CC2D2B: variants seen among roughly 807,000 people sequenced by gnomAD.
The protein encoded by CC2D2B is coiled-coil and C2 domain containing 2B, also known as protein CC2D2B.
In CC2D2B, 128 loss-of-function variants were observed where a neutral mutation model predicts 161.2. The observed-to-expected ratio is 0.79, with a 90% confidence interval of 0.69 to 0.92. The LOEUF is 0.92. Among genes scored for constraint, CC2D2B ranks in the 40% least tolerant of loss-of-function variants. CC2D2B has a pLI of 0.00. For missense variants in CC2D2B, 1,173 were observed against 1,375.1 expected (o/e 0.85, Z 2.32); for synonymous variants, 391 against 449.8 (o/e 0.87, Z 1.65).
At chr10:96,006,633 G>A (rs903186418) in intron 25 of CC2D2B, among the ~76,000 whole-genome samples, 1 of 152,072 alleles carries the variant, frequency 6.6e-6, no homozygotes, top group African/African-American at 2.4e-5. Context: ...GACCCTATTG[G>A]ACAAGCTATG....
chr10:95,986,849 G>A (rs151279472), intron 19 of CC2D2B, among the ~76,000 whole-genome samples: 2,286 of 151,944 alleles, frequency 0.015, 50 homozygotes, highest in African/African-American at 0.052. Flanking sequence ...CGCCCGCCTC[G>A]GCCTCCCACA....
intron 25 of CC2D2B, among the ~76,000 whole-genome samples, chr10:96,005,344 G>T (rs1279365875): frequency 1.3e-5 from 2 of 152,014 alleles, no homozygotes; most frequent in Non-Finnish European, 2.9e-5. Context: ...CATGCTTTAG[G>T]TATCAGACTT....
intron 6 of CC2D2B, among the ~76,000 whole-genome samples, chr10:95,937,025 G>A (rs1227548770): frequency 6.6e-6 from 1 of 152,158 alleles, no homozygotes; most frequent in African/African-American, 2.4e-5. Flanking sequence ...ATTCTGAAAA[G>A]GATATCATGA....
intron 33 of CC2D2B, among the ~76,000 whole-genome samples, chr10:96,027,000 G>A (rs1009969038): frequency 2.0e-5 from 3 of 152,140 alleles, no homozygotes; most frequent in Non-Finnish European, 2.9e-5. Context: ...GCAGGTGCCT[G>A]TAATCCCAGC....
At chr10:95,908,949 T>C (rs2098501213) in intron 1 of CC2D2B, among the ~76,000 whole-genome samples, 1 of 152,096 alleles carries the variant, frequency 6.6e-6, no homozygotes, top group African/African-American at 2.4e-5. Context: ...TGTTTCCACA[T>C]TAGTTTTCAT....
chr10:96,013,519 T>C (rs12570106), intron 28 of CC2D2B, among the ~76,000 whole-genome samples: 1 of 151,224 alleles, frequency 6.6e-6, no homozygotes, highest in Non-Finnish European at 1.5e-5. Context: ...TAAATAAATA[T>C]AAATAAAATA....
rs538906312 is a variant in CC2D2B, at chr10:95,957,320, G to A, written c.1109+1829G>A. Among the ~76,000 whole-genome samples the A allele has an allele frequency of 2.6e-5, 4 of 152,220 alleles. No homozygotes were observed. In the South Asian group the frequency reaches 8.3e-4, roughly 32 times the overall value. On this transcript the variant is annotated intron_variant, in intron 11 of 34. Coordinates refer to ENST00000646931, the MANE Select transcript of CC2D2B (RefSeq NM_001349008.3). ...AAGCCCCTCTATCTCTGGATAAAGT[G>A]ACTTCCAGAGGATTTAAAAGGCTGG...
At chr10:95,973,861 CAAAAA>C (rs576579109) in intron 16 of CC2D2B, 143 bp from the exon 17 acceptor site, 254 of 233,632 alleles carry the variant, frequency 1.1e-3, no homozygotes, top group East Asian at 1.8e-3. Context: ...AACTCTGTCT[CAAAAA>C]AAAAAAAAAA....
Position 95,976,265 on chromosome 10 carries a change from A to G in CC2D2B, c.1943+2109A>G, listed in dbSNP as rs574868894. On this transcript the variant is annotated intron_variant, in intron 17 of 34. Coordinates refer to ENST00000646931, the MANE Select transcript of CC2D2B (RefSeq NM_001349008.3). ...CATACATTCCCTCCACTTTCTGCTC[A>G]CCCATTCCCTTCCTAATCCTACCCA... 2.0e-5 allele frequency among the ~76,000 whole-genome samples: 3 copies of G among 152,186 alleles called. No homozygotes were observed. The East Asian group carries it at 5.8e-4, about 29-fold the overall frequency.
At chr10:95,962,188 TTAAACATGGG>T (rs1358275661) in intron 12 of CC2D2B, among the ~76,000 whole-genome samples, 3 of 151,962 alleles carry the variant, frequency 2.0e-5, no homozygotes, top group African/African-American at 7.3e-5. Flanking sequence ...GAAAACCCAA[TTAAACATGGG>T]GAAATGATTT....
intron 32 of CC2D2B, chr10:96,022,505 T>C (rs1206291553): frequency 1.3e-5 from 2 of 152,216 alleles, no homozygotes; most frequent in East Asian, 1.9e-4. Context: ...TGCTTCTCTC[T>C]CTTGAGCAAG....
chr10:95,982,361 C>T (rs2077560408), intron 18 of CC2D2B, among the ~76,000 whole-genome samples: 1 of 152,210 alleles, frequency 6.6e-6, no homozygotes, highest in Non-Finnish European at 1.5e-5. Context: ...TTAGCAGCCA[C>T]AGCACATCTG....
chr10:95,922,908 T>C (rs2141167978), intron 3 of CC2D2B, among the ~76,000 whole-genome samples: 1 of 152,022 alleles, frequency 6.6e-6, no homozygotes, highest in South Asian at 2.1e-4. Context: ...CAAGCGGTGG[T>C]CCCACCTCAG....
intron 30 of CC2D2B, 134 bp downstream of exon 30, chr10:96,016,448 T>C (rs938939139): frequency 4.2e-5 from 27 of 648,976 alleles, no homozygotes; most frequent in Non-Finnish European, 1.1e-5. Context: ...AAGCAATGAT[T>C]AGTTAAGAGG....
rs2077156973 is a variant in CC2D2B at position 95,972,092 on chromosome 10, C to T, written c.1671C>T (p.Ser557=). Residue 557 remains serine (S), a synonymous_variant, in exon 16 of 35, where the codon AGC becomes AGT. Transcript: ENST00000646931. ...TTTATGAAAAAAGTAAAAGGACAAGCTTACTGGCAAAACTATATATACCTT... is the reference window on the plus strand; with the variant it reads ...TTTATGAAAAAAGTAAAAGGACAAGTTTACTGGCAAAACTATATATACCTT... ...LEVYEKSKRT[S]LLAKLYIPLP... The T allele has an allele frequency of 1.6e-6, 2 of 1,229,744 alleles. No homozygotes were observed. The highest frequency in any genetic ancestry group is 4.1e-5 in the South Asian group (1 of 24,260). The allele number at this position is 1,229,744 out of a possible 1,614,324, so 76.2% of individuals were successfully genotyped here.
At chr10:95,964,822 C>CA (rs1420557299) in intron 12 of CC2D2B, among the ~76,000 whole-genome samples, 15 of 152,136 alleles carry the variant, frequency 9.9e-5, no homozygotes, top group Admixed American at 9.8e-4. Flanking sequence ...ATGGTTCACC[C>CA]ATTCAAAGTC....
chr10:95,977,901 G>A (rs1346992913), intron 17 of CC2D2B, among the ~76,000 whole-genome samples: 3 of 152,144 alleles, frequency 2.0e-5, no homozygotes, highest in Non-Finnish European at 4.4e-5. Context: ...GTGGAATAAA[G>A]GTTACCAGGG....
chr10:96,007,543 A>G (rs2078802998), intron 25 of CC2D2B, among the ~76,000 whole-genome samples: 1 of 152,166 alleles, frequency 6.6e-6, no homozygotes, highest in East Asian at 1.9e-4. Flanking sequence ...AGCACAGTCC[A>G]TCTTGCTCAG....
chr10:95,911,569 A>G (rs2098506446), intron 2 of CC2D2B, among the ~76,000 whole-genome samples: 1 of 152,146 alleles, frequency 6.6e-6, no homozygotes, highest in Admixed American at 6.5e-5. Context: ...TTATGTATGT[A>G]TTTATTTAAT....
Sources: gnomAD v4.1 joint callset for allele counts (sites outside exome capture counted in the v4.1 genomes callset) on GRCh38, gnomAD v4.1.1 for gene constraint, MANE v1.5 for transcripts, NCBI Gene and HGNC (gene_info 2026-07-23, HGNC 2026-07-21) for gene names.